The following GNAQ variants were observed in gnomAD, a reference collection of about 807,000 sequenced individuals.
The protein encoded by GNAQ is G protein subunit alpha q, also known as guanine nucleotide-binding protein G(q) subunit alpha.
A neutral mutation model predicts 43.9 loss-of-function variants in GNAQ; 8 were observed. The observed-to-expected ratio is 0.18, with a 90% CI of 0.11 to 0.33. The LOEUF is 0.33. GNAQ is among the 10% of genes least tolerant of loss of function. The pLI, the probability that GNAQ is intolerant of heterozygous loss-of-function variation, is 1.00. For synonymous variants in GNAQ, 155 were observed against 170.7 expected, an observed-to-expected ratio of 0.91 and a Z score of 0.71; for missense variants, 158 against 450.8, an observed-to-expected ratio of 0.35 and a Z score of 5.88.
intron 1 of GNAQ, among the ~76,000 whole-genome samples, chr9:78,002,107 A>G (rs1379135334): frequency 6.6e-6 from 1 of 152,200 alleles, no homozygotes; most frequent in African/African-American, 2.4e-5. Flanking sequence ...TTTTCTTTGC[A>G]TTCCTTTGAC....
chr9:77,874,160 T>C (rs957925644), intron 2 of GNAQ, among the ~76,000 whole-genome samples: 1 of 151,180 alleles, frequency 6.6e-6, no homozygotes, highest in African/African-American at 2.4e-5. Context: ...AAAAAATATA[T>C]CTAAAGCCTT....
intron 5 of GNAQ, among the ~76,000 whole-genome samples, chr9:77,780,221 T>C (rs1331156112): frequency 6.6e-6 from 1 of 151,942 alleles, no homozygotes; most frequent in African/African-American, 2.4e-5. Context: ...TTAGAACTTA[T>C]TCCACCTATT....
At chr9:77,760,884 C>T (rs1825993697) in intron 5 of GNAQ, among the ~76,000 whole-genome samples, 1 of 148,942 alleles carries the variant, frequency 6.7e-6, no homozygotes, top group Non-Finnish European at 1.5e-5. Context: ...TGAGGAGTGC[C>T]TCTGCCCGGT....
intron 5 of GNAQ, among the ~76,000 whole-genome samples, chr9:77,758,953 A>G (rs1825946990): frequency 6.6e-6 from 1 of 152,222 alleles, no homozygotes; most frequent in Non-Finnish European, 1.5e-5. Flanking sequence ...TGTTTAAAAA[A>G]AATCATCCTG....
chr9:77,877,971 C>G (rs1828151215), intron 2 of GNAQ, among the ~76,000 whole-genome samples: 1 of 152,132 alleles, frequency 6.6e-6, no homozygotes, highest in Admixed American at 6.5e-5. Flanking sequence ...CCATTTGCTT[C>G]CCCTTTGAAC....
At chr9:77,839,011 C>T (rs1827440729) in intron 2 of GNAQ, among the ~76,000 whole-genome samples, 1 of 152,106 alleles carries the variant, frequency 6.6e-6, no homozygotes, top group Non-Finnish European at 1.5e-5. Context: ...ATATGGTACC[C>T]TCTTCACCAT....
chr9:77,886,543 G>A (rs1828309546), intron 2 of GNAQ, among the ~76,000 whole-genome samples: 1 of 152,076 alleles, frequency 6.6e-6, no homozygotes. Context: ...GATTCTATTG[G>A]CTTAAAACAA....
intron 1 of GNAQ, among the ~76,000 whole-genome samples, chr9:77,934,244 G>T (rs894497181): frequency 6.6e-6 from 1 of 151,910 alleles, no homozygotes; most frequent in East Asian, 1.9e-4. Context: ...TGACCTCAAG[G>T]GTTCTCTCCA....
At chr9:77,870,512 G>A (rs548897266) in intron 2 of GNAQ, among the ~76,000 whole-genome samples, 2 of 151,744 alleles carry the variant, frequency 1.3e-5, no homozygotes, top group African/African-American at 4.8e-5. Flanking sequence ...ATTTTTAGTA[G>A]AGATGGGGTT....
At chr9:77,733,618 A>ATGGGG (rs1825529952) in intron 5 of GNAQ, among the ~76,000 whole-genome samples, 1 of 152,114 alleles carries the variant, frequency 6.6e-6, no homozygotes, top group Non-Finnish European at 1.5e-5. Flanking sequence ...TCCCATCCCC[A>ATGGGG]GCACAGGATG....
intron 1 of GNAQ, among the ~76,000 whole-genome samples, chr9:77,932,779 T>C (rs1314115176): frequency 6.6e-6 from 1 of 152,012 alleles, no homozygotes; most frequent in East Asian, 1.9e-4. Context: ...CCTTGGAAAG[T>C]CTGAACCAGT....
At chr9:77,769,508 C>G (rs1462753344) in intron 5 of GNAQ, among the ~76,000 whole-genome samples, 1 of 151,960 alleles carries the variant, frequency 6.6e-6, no homozygotes, top group Non-Finnish European at 1.5e-5. Flanking sequence ...TCAATATTCA[C>G]ATAATTCTGT....
intron 1 of GNAQ, among the ~76,000 whole-genome samples, chr9:77,991,136 A>AT (rs1823502009): frequency 6.6e-6 from 1 of 152,266 alleles, no homozygotes; most frequent in Admixed American, 6.5e-5. Flanking sequence ...CAGTTTGAGC[A>AT]TATTTGCCAT....
intron 3 of GNAQ, among the ~76,000 whole-genome samples, chr9:77,808,944 T>C (rs1826871927): frequency 6.6e-6 from 1 of 152,032 alleles, no homozygotes; most frequent in Non-Finnish European, 1.5e-5. Context: ...GCCAAACCAA[T>C]ATACCCTGGA....
At chr9:77,728,483 C>T (rs772697801) in intron 6 of GNAQ, 31 bp downstream of exon 6, 18 of 1,535,386 alleles carry the variant, frequency 1.2e-5, no homozygotes, top group Non-Finnish European at 1.6e-5. Flanking sequence ...CTATTCACAG[C>T]TACTGAGCTG....
intron 1 of GNAQ, among the ~76,000 whole-genome samples, chr9:77,932,628 T>C (rs982179976): frequency 2.0e-5 from 3 of 152,058 alleles, no homozygotes; most frequent in African/African-American, 7.2e-5. Context: ...TACAAGAGGG[T>C]CAGTGTGGTT....
chr9:77,949,094 A>G (rs1020577986), intron 1 of GNAQ, among the ~76,000 whole-genome samples: 3 of 152,208 alleles, frequency 2.0e-5, no homozygotes, highest in Admixed American at 1.3e-4. Flanking sequence ...CAGAAAATTC[A>G]TATTATTAAA....
At chr9:77,780,701 C>T (rs1212482775) in intron 5 of GNAQ, among the ~76,000 whole-genome samples, 1 of 151,956 alleles carries the variant, frequency 6.6e-6, no homozygotes, top group Admixed American at 6.6e-5. Context: ...TTCTCCACAG[C>T]AGCTATATTA....
chr9:77,854,783 T>C (rs1827725536), intron 2 of GNAQ, among the ~76,000 whole-genome samples: 2 of 152,188 alleles, frequency 1.3e-5, no homozygotes, highest in African/African-American at 2.4e-5. Flanking sequence ...GTATAATTTA[T>C]AGGTTGGCAT....
Sources: allele counts gnomAD v4.1 joint callset (sites outside exome capture counted in the v4.1 genomes callset), GRCh38; gene constraint gnomAD v4.1.1; transcripts MANE v1.5; gene names NCBI Gene and HGNC (gene_info 2026-07-23, HGNC 2026-07-21).